Variants in CSMD1 observed in about 807,000 individuals in gnomAD.
The protein encoded by CSMD1 is CUB and sushi domain-containing protein 1.
In CSMD1, 213 loss-of-function variants were observed where a neutral mutation model predicts 417.5. That is an observed-to-expected ratio of 0.51 (90% CI 0.46 to 0.57). The LOEUF is 0.57. Among genes scored for constraint, CSMD1 ranks in the 20% least tolerant of loss-of-function variants. CSMD1 has a pLI of 0.00. For synonymous variants in CSMD1, 2,862 were observed against 1,736.8 expected (o/e 1.65, Z -16.11); for missense variants, 6,923 against 4,529.7 (o/e 1.53, Z -15.17).
intron 20 of CSMD1, among the ~76,000 whole-genome samples, 186 bp downstream of exon 20, chr8:3,366,846 C>G (rs115801080): frequency 6.6e-4 from 101 of 152,306 alleles, no homozygotes; most frequent in African/African-American, 2.3e-3. Flanking sequence ...TGCCACATAA[C>G]TGTACTTGCA....
At chr8:3,453,686 AT>A (rs1250077697) in intron 12 of CSMD1, among the ~76,000 whole-genome samples, 2 of 152,180 alleles carry the variant, frequency 1.3e-5, no homozygotes, top group Non-Finnish European at 2.9e-5. Flanking sequence ...ACAGTTTGTT[AT>A]AATTTCTGTA....
chr8:4,213,531 G>C (rs1435122078), intron 3 of CSMD1, among the ~76,000 whole-genome samples: 1 of 152,182 alleles, frequency 6.6e-6, no homozygotes, highest in East Asian at 1.9e-4. Flanking sequence ...ATGTAGAAAT[G>C]ACAGACACAC....
chr8:3,762,372 A>T (rs1437865857), intron 5 of CSMD1, among the ~76,000 whole-genome samples: 1 of 152,100 alleles, frequency 6.6e-6, no homozygotes, highest in Admixed American at 6.5e-5. Flanking sequence ...GCCTGCCCTG[A>T]TCTCTAAGAT....
chr8:4,321,463 C>G (rs183821837), intron 3 of CSMD1, among the ~76,000 whole-genome samples: 85 of 152,218 alleles, frequency 5.6e-4, no homozygotes, highest in African/African-American at 1.9e-3. Flanking sequence ...TTATCACTCT[C>G]TTAATTCCTC....
At chr8:3,012,361 C>T (rs1004625646) in intron 52 of CSMD1, among the ~76,000 whole-genome samples, 4 of 152,136 alleles carry the variant, frequency 2.6e-5, no homozygotes, top group South Asian at 2.1e-4. Context: ...AGTCTGTCAA[C>T]GCTCATCCAT....
rs751633495 is a variant in CSMD1 at position 3,409,506 on chromosome 8, G to A, written c.1661C>T (p.Pro554Leu). The change falls in exon 13 of 70, where the codon CCG becomes CTG. Residue 554 changes from proline to leucine, a missense_variant. Coordinates refer to ENST00000635120, the MANE Select transcript of CSMD1 (RefSeq NM_033225.6). ...LHGDTLTFEC[P>L]AAFELVGERV... The stretch of plus-strand genomic sequence containing the variant: ...CTCCCCCACCAGCTCAAAGGCCGCC[G>A]GGCATTCAAAGGTGAGTGTATCTCC... 8 of 1,611,020 alleles carry A rather than the reference G, an allele frequency of 5.0e-6. No individual in the cohort carries two copies. The highest frequency in any genetic ancestry group is 2.2e-5 in the East Asian group (1 of 44,732).
intron 21 of CSMD1, among the ~76,000 whole-genome samples, chr8:3,352,562 G>A (rs1315433575): frequency 1.3e-5 from 2 of 152,262 alleles, no homozygotes; most frequent in South Asian, 2.1e-4. Flanking sequence ...ATCATTGGCT[G>A]GGCGCGGTGG....
chr8:4,167,994 T>A (rs374230316), intron 3 of CSMD1, among the ~76,000 whole-genome samples: 3 of 152,044 alleles, frequency 2.0e-5, no homozygotes, highest in East Asian at 3.9e-4. Flanking sequence ...CCAGGCGTGG[T>A]GGCAGACTCC....
At chr8:4,583,219 C>A (rs12679893) in intron 2 of CSMD1, among the ~76,000 whole-genome samples, 2 of 152,166 alleles carry the variant, frequency 1.3e-5, no homozygotes, top group African/African-American at 4.8e-5. Flanking sequence ...TGCGGGCACA[C>A]GGCACAGGGA....
At chr8:4,339,568 T>C (rs1388440776) in intron 3 of CSMD1, among the ~76,000 whole-genome samples, 3 of 152,104 alleles carry the variant, frequency 2.0e-5, no homozygotes, top group African/African-American at 7.2e-5. Context: ...TAAATAACTT[T>C]CGGTTGTTTA....
At chr8:3,558,118 AATGGT>A (rs1799243711) in intron 10 of CSMD1, among the ~76,000 whole-genome samples, 1 of 151,328 alleles carries the variant, frequency 6.6e-6, no homozygotes, top group Non-Finnish European at 1.5e-5. Flanking sequence ...ATGGTGCCTC[AATGGT>A]ACCCCGTGTC....
At chr8:4,420,421 G>T (rs749345772) in intron 2 of CSMD1, among the ~76,000 whole-genome samples, 8 of 151,814 alleles carry the variant, frequency 5.3e-5, no homozygotes, top group Non-Finnish European at 1.0e-4. Context: ...ATATGTGCAG[G>T]TTTATTAGGT....
At chr8:4,553,023 A>T (rs538533988) in intron 2 of CSMD1, among the ~76,000 whole-genome samples, 1 of 152,200 alleles carries the variant, frequency 6.6e-6, no homozygotes, top group South Asian at 2.1e-4. Flanking sequence ...TCAGAACATG[A>T]AGCACGTTAA....
At chr8:3,909,860 G>T (rs527910788) in intron 5 of CSMD1, among the ~76,000 whole-genome samples, 2 of 152,110 alleles carry the variant, frequency 1.3e-5, no homozygotes, top group Non-Finnish European at 2.9e-5. Flanking sequence ...CTGTATACAA[G>T]TTGATGGAAT....
At chr8:3,595,432 T>C (rs1394325429) in intron 8 of CSMD1, among the ~76,000 whole-genome samples, 1 of 152,224 alleles carries the variant, frequency 6.6e-6, no homozygotes, top group Admixed American at 6.5e-5. Context: ...TAGACTCATT[T>C]CTTCAAGCCT....
intron 3 of CSMD1, among the ~76,000 whole-genome samples, chr8:4,264,771 A>G (rs1804134355): frequency 6.6e-6 from 1 of 152,008 alleles, no homozygotes; most frequent in African/African-American, 2.4e-5. Context: ...TTCTTTGGCC[A>G]TTTTTGCGCC....
chr8:3,695,254 G>T (rs75346047), intron 7 of CSMD1, among the ~76,000 whole-genome samples: 3 of 152,020 alleles, frequency 2.0e-5, no homozygotes, highest in Admixed American at 6.6e-5. Context: ...ACATGGGCAA[G>T]GATATTAATC....
At chr8:4,334,748 G>T (rs145237592) in intron 3 of CSMD1, among the ~76,000 whole-genome samples, 1 of 152,092 alleles carries the variant, frequency 6.6e-6, no homozygotes, top group African/African-American at 2.4e-5. Context: ...CGATACGCTC[G>T]ACTCTACTGT....
At chr8:4,870,876 TTG>T (rs1802696806) in intron 1 of CSMD1, among the ~76,000 whole-genome samples, 1 of 152,146 alleles carries the variant, frequency 6.6e-6, no homozygotes, top group East Asian at 1.9e-4. Flanking sequence ...CAGTTCCTGA[TTG>T]TGTCACCTGG....
Sources: gnomAD v4.1 joint callset for allele counts (sites outside exome capture counted in the v4.1 genomes callset) on GRCh38, gnomAD v4.1.1 for gene constraint, MANE v1.5 for transcripts, NCBI Gene and HGNC (gene_info 2026-07-23, HGNC 2026-07-21) for gene names.